PGAP1: variants seen among roughly 807,000 people sequenced by gnomAD.
The protein encoded by PGAP1 is GPI inositol-deacylase.
A neutral mutation model predicts 127.0 loss-of-function variants in PGAP1; 76 were observed. The observed-to-expected ratio is 0.60, with a 90% CI of 0.50 to 0.72. The LOEUF is 0.72. Among genes scored for constraint, PGAP1 ranks in the 30% least tolerant of loss-of-function variants. The probability of loss-of-function intolerance (pLI) is 0.00; values close to 1 mark genes in which losing one functional copy is unlikely to be tolerated. For missense variants in PGAP1, 982 were observed against 1,071.3 expected, an observed-to-expected ratio of 0.92 and a Z score of 1.16; for synonymous variants, 362 against 366.5, an observed-to-expected ratio of 0.99 and a Z score of 0.14.
chr2:196,872,240 T>A (rs1701429350), intron 18 of PGAP1, among the ~76,000 whole-genome samples: 1 of 152,198 alleles, frequency 6.6e-6, no homozygotes, highest in African/African-American at 2.4e-5. Context: ...TATTAAGATG[T>A]ATACATTTGC....
chr2:196,844,351 A>T (rs1442126915), intron 24 of PGAP1, among the ~76,000 whole-genome samples, 173 bp downstream of exon 24: 1 of 152,138 alleles, frequency 6.6e-6, no homozygotes, highest in Admixed American at 6.5e-5. Flanking sequence ...ATGGGTACTG[A>T]CAAAAGATGA....
intron 19 of PGAP1, among the ~76,000 whole-genome samples, chr2:196,869,488 C>T (rs1701344375): frequency 1.3e-5 from 2 of 152,140 alleles, no homozygotes; most frequent in South Asian, 4.1e-4. Flanking sequence ...GTGCCCGCCA[C>T]CACGTCCGGC....
chr2:196,870,206 A>G (rs1396295772), intron 19 of PGAP1, among the ~76,000 whole-genome samples: 1 of 152,216 alleles, frequency 6.6e-6, no homozygotes, highest in African/African-American at 2.4e-5. Context: ...AGTTATTTGA[A>G]AACATTCATT....
Position 196,872,552 on chromosome 2 carries a change from G to A in PGAP1, c.1620-3C>T, listed in dbSNP as rs913442199. On this transcript the variant is annotated splice_region_variant and splice_polypyrimidine_tract_variant and intron_variant, in intron 17 of 26. Coordinates refer to ENST00000354764, the MANE Select transcript of PGAP1 (RefSeq NM_024989.4). ...AAATTTCTGTGGAAGATGGAGCCCT[G>A]AAGAGATAACTTAAATATCAATTCT... The A allele has an allele frequency of 2.5e-6, 4 of 1,590,636 alleles. No homozygotes were observed. Among genetic ancestry groups the A allele is most frequent in the Non-Finnish European group, 3.5e-6 (4 of 1,159,178 alleles).
intron 20 of PGAP1, among the ~76,000 whole-genome samples, chr2:196,857,620 G>GTTAAAACATT (rs1333766402): frequency 6.6e-6 from 1 of 152,190 alleles, no homozygotes; most frequent in African/African-American, 2.4e-5. Flanking sequence ...ATGGTCATTT[G>GTTAAAACATT]TGTTAAAAAC....
chr2:196,867,991 C>G (rs1380146641), intron 19 of PGAP1, among the ~76,000 whole-genome samples: 1 of 152,192 alleles, frequency 6.6e-6, no homozygotes, highest in Non-Finnish European at 1.5e-5. Flanking sequence ...GAAATATACT[C>G]TACTTATCGA....
At chr2:196,866,993 G>A (rs1310164641) in intron 19 of PGAP1, among the ~76,000 whole-genome samples, 1 of 152,128 alleles carries the variant, frequency 6.6e-6, no homozygotes, top group Non-Finnish European at 1.5e-5. Context: ...CAATATGCTG[G>A]ACAGGATGTG....
intron 20 of PGAP1, among the ~76,000 whole-genome samples, chr2:196,863,887 T>C (rs900431845): frequency 1.4e-4 from 22 of 152,132 alleles, no homozygotes; most frequent in East Asian, 3.9e-4. Flanking sequence ...AGGATGACTA[T>C]AGTTAATAAT....
intron 20 of PGAP1, among the ~76,000 whole-genome samples, chr2:196,850,044 G>C (rs1240319121): frequency 6.6e-6 from 1 of 152,128 alleles, no homozygotes; most frequent in African/African-American, 2.4e-5. Context: ...GAGAAAATAA[G>C]GTTAGTGTAT....
chr2:196,870,891 T>C, intron 19 of PGAP1, 50 bp downstream of exon 19: 1 of 1,496,574 alleles, frequency 6.7e-7, no homozygotes, highest in African/African-American at 1.4e-5. Flanking sequence ...TCCTTAGAGT[T>C]ATCTATTCAT....
chr2:196,856,541 C>T (rs1378736422), intron 20 of PGAP1, among the ~76,000 whole-genome samples: 2 of 152,168 alleles, frequency 1.3e-5, no homozygotes, highest in Non-Finnish European at 2.9e-5. Context: ...ATGAGAAGTG[C>T]TTTATTCTGA....
chr2:196,865,385 T>C (rs762650407), intron 19 of PGAP1, among the ~76,000 whole-genome samples: 16 of 152,160 alleles, frequency 1.1e-4, no homozygotes, highest in Admixed American at 5.9e-4. Context: ...GTAAACACCT[T>C]ATATGCATTA....
intron 3 of PGAP1, among the ~76,000 whole-genome samples, chr2:196,914,023 T>A (rs1034404387): frequency 1.3e-5 from 2 of 152,230 alleles, no homozygotes; most frequent in Admixed American, 1.3e-4. Flanking sequence ...ATTTCAGCCA[T>A]GTCACAATAT....
At chr2:196,852,692 A>G (rs1050368331) in intron 20 of PGAP1, among the ~76,000 whole-genome samples, 2 of 152,140 alleles carry the variant, frequency 1.3e-5, no homozygotes, top group African/African-American at 4.8e-5. Context: ...CCAGTAAGTA[A>G]GAGAGAGATG....
intron 19 of PGAP1, among the ~76,000 whole-genome samples, chr2:196,866,366 T>A (rs1255600792): frequency 6.6e-6 from 1 of 152,142 alleles, no homozygotes; most frequent in African/African-American, 2.4e-5. Flanking sequence ...AGACAAGCAA[T>A]GGAGAAAGGA....
chr2:196,902,965 G>A (rs940407625), intron 4 of PGAP1, among the ~76,000 whole-genome samples: 2 of 151,768 alleles, frequency 1.3e-5, no homozygotes, highest in Non-Finnish European at 2.9e-5. Flanking sequence ...AGTTACTAAA[G>A]GTATCAATTA....
At chr2:196,900,848 AC>A (rs1702462486) in intron 5 of PGAP1, among the ~76,000 whole-genome samples, 1 of 152,172 alleles carries the variant, frequency 6.6e-6, no homozygotes, top group African/African-American at 2.4e-5. Flanking sequence ...AATGGTGTGA[AC>A]CAGAGAGGCA....
chr2:196,918,966 A>G (rs762446407), intron 2 of PGAP1, among the ~76,000 whole-genome samples: 12 of 152,190 alleles, frequency 7.9e-5, no homozygotes, highest in Non-Finnish European at 1.8e-4. Context: ...CTTATATGAT[A>G]TGGCCCGTGG....
intron 20 of PGAP1, among the ~76,000 whole-genome samples, chr2:196,860,698 T>C (rs1368959159): frequency 1.3e-5 from 2 of 151,682 alleles, no homozygotes; most frequent in Non-Finnish European, 2.9e-5. Context: ...CACGAAAAAA[T>C]AGAAAGCAAT....
Sources: allele counts gnomAD v4.1 joint callset (sites outside exome capture counted in the v4.1 genomes callset), GRCh38; gene constraint gnomAD v4.1.1; transcripts MANE v1.5; gene names NCBI Gene and HGNC (gene_info 2026-07-23, HGNC 2026-07-21).